STK3: variants seen among roughly 807,000 people sequenced by gnomAD.
STK3 encodes serine/threonine-protein kinase 3.
In STK3, 41 loss-of-function variants were observed where a neutral mutation model predicts 58.0. That is an observed-to-expected ratio of 0.71 (90% CI 0.55 to 0.92). STK3 has a LOEUF of 0.92. Among genes scored for constraint, STK3 ranks in the 40% least tolerant of loss-of-function variants. The pLI is 0.00. For synonymous variants in STK3, 170 were observed against 191.0 expected, an observed-to-expected ratio of 0.89 and a Z score of 0.91; for missense variants, 479 against 602.7, an observed-to-expected ratio of 0.79 and a Z score of 2.15.
chr8:98,856,992 G>A (rs917666242), intron 3 of STK3, among the ~76,000 whole-genome samples: 2 of 152,154 alleles, frequency 1.3e-5, no homozygotes, highest in Non-Finnish European at 2.9e-5. Flanking sequence ...TTATATAAAA[G>A]TCCGGAATAG....
chr8:98,917,742 AAG>A (rs1839397114), intron 1 of STK3, among the ~76,000 whole-genome samples: 1 of 152,132 alleles, frequency 6.6e-6, no homozygotes, highest in Non-Finnish European at 1.5e-5. Flanking sequence ...CAAACAAGCT[AAG>A]ACATCATCCA....
At chr8:98,709,281 G>A (rs189531412) in intron 4 of STK3, among the ~76,000 whole-genome samples, 60 of 152,076 alleles carry the variant, frequency 3.9e-4, no homozygotes, top group Non-Finnish European at 1.2e-4. Context: ...CATTCAAGAA[G>A]GCCCAAAAGA....
chr8:98,716,066 T>C (rs1826985185), intron 4 of STK3, among the ~76,000 whole-genome samples: 1 of 151,882 alleles, frequency 6.6e-6, no homozygotes. Context: ...TTCTCACTCA[T>C]AGGTGGAAAT....
At chr8:98,773,697 T>G (rs543117039) in intron 2 of STK3, among the ~76,000 whole-genome samples, 11 of 152,306 alleles carry the variant, frequency 7.2e-5, no homozygotes, top group Admixed American at 2.6e-4. Flanking sequence ...CTCTAACAGT[T>G]TGTCTTTTAA....
At chr8:98,709,655 T>C (rs566945659) in intron 4 of STK3, among the ~76,000 whole-genome samples, 2 of 152,230 alleles carry the variant, frequency 1.3e-5, no homozygotes, top group Admixed American at 1.3e-4. Flanking sequence ...AATCGAACAA[T>C]GCAATACACC....
downstream of STK3, among the ~76,000 whole-genome samples, chr8:98,367,481 T>C (rs1280507533): frequency 6.6e-6 from 1 of 152,210 alleles, no homozygotes. Flanking sequence ...TTAGAAATCA[T>C]ACTGAGTCCC....
Position 98,586,006 on chromosome 8 carries a change from T to C in STK3, c.823-6217A>G, listed in dbSNP as rs1330165955. Among the ~76,000 whole-genome samples, 4 of 152,188 alleles carry C rather than the reference T, an allele frequency of 2.6e-5. No individual in the cohort carries two copies. In the South Asian group the frequency reaches 8.3e-4, roughly 32 times the overall value. On this transcript the variant is annotated intron_variant, in intron 7 of 10. Coordinates refer to ENST00000419617, the MANE Select transcript of STK3 (RefSeq NM_006281.4). ...TTAAGGAGATTTTGGGCTAAGACAA[T>C]GGGGTTTTCTAGATATACAATCATG... is the stretch of plus-strand genomic sequence containing the variant.
chr8:98,769,791 T>G (rs937716314), intron 2 of STK3, among the ~76,000 whole-genome samples: 1 of 152,244 alleles, frequency 6.6e-6, no homozygotes, highest in Non-Finnish European at 1.5e-5. Flanking sequence ...AATGGGCTGC[T>G]GCCTCTGCCT....
intron 1 of STK3, among the ~76,000 whole-genome samples, chr8:98,382,987 T>C (rs1359422007): frequency 6.6e-6 from 1 of 152,162 alleles, no homozygotes; most frequent in Non-Finnish European, 1.5e-5. Context: ...CTCCTTACTC[T>C]GGGAACCTTC....
chr8:98,517,339 G>A (rs1368451244), intron 10 of STK3, among the ~76,000 whole-genome samples: 1 of 151,978 alleles, frequency 6.6e-6, no homozygotes, highest in Non-Finnish European at 1.5e-5. Context: ...CTTCCAACAT[G>A]AAGAAACCAA....
At chr8:98,758,228 G>A (rs1830417879) in intron 3 of STK3, among the ~76,000 whole-genome samples, 2 of 152,302 alleles carry the variant, frequency 1.3e-5, no homozygotes, top group East Asian at 1.9e-4. Context: ...GTATAAAGAT[G>A]AGCTGGTACC....
chr8:98,495,342 A>G (rs1238449083), intron 10 of STK3, among the ~76,000 whole-genome samples: 1 of 152,056 alleles, frequency 6.6e-6, no homozygotes, highest in Non-Finnish European at 1.5e-5. Context: ...CTTAAGTGGG[A>G]TCATATTTCT....
chr8:98,937,969 ACTGTAACAT>A (rs1242861600), intron 1 of STK3, among the ~76,000 whole-genome samples: 1 of 152,234 alleles, frequency 6.6e-6, no homozygotes, highest in Non-Finnish European at 1.5e-5. Context: ...ATTCCTGACC[ACTGTAACAT>A]CTTATATTTT....
At chr8:98,545,481 A>G (rs1810628522) in intron 9 of STK3, among the ~76,000 whole-genome samples, 2 of 152,344 alleles carry the variant, frequency 1.3e-5, no homozygotes, top group African/African-American at 2.4e-5. Context: ...AAGGCAGATC[A>G]AATTTTAAAA....
intron 6 of STK3, among the ~76,000 whole-genome samples, chr8:98,694,160 A>G (rs1252712485): frequency 6.6e-6 from 1 of 152,124 alleles, no homozygotes. Flanking sequence ...TTTCTCCAAA[A>G]AGGGAGGTGG....
intron 7 of STK3, among the ~76,000 whole-genome samples, chr8:98,586,407 T>TTC (rs1390412631): frequency 2.6e-5 from 4 of 151,324 alleles, no homozygotes; most frequent in Admixed American, 1.3e-4. Context: ...ATTTATTGAT[T>TTC]TGCATATATT....
chr8:98,891,125 T>G (rs1838184545), intron 1 of STK3, among the ~76,000 whole-genome samples: 1 of 152,230 alleles, frequency 6.6e-6, no homozygotes, highest in African/African-American at 2.4e-5. Flanking sequence ...CCTCTGAAGG[T>G]CAGTCTACCA....
intron 10 of STK3, among the ~76,000 whole-genome samples, chr8:98,503,967 T>C (rs547260917): frequency 6.6e-6 from 1 of 151,526 alleles, no homozygotes; most frequent in East Asian, 1.9e-4. Flanking sequence ...GTCTTGTTGA[T>C]CTAATATTGA....
At chr8:98,503,709 G>C (rs1823813448) in intron 10 of STK3, among the ~76,000 whole-genome samples, 1 of 152,214 alleles carries the variant, frequency 6.6e-6, no homozygotes, top group African/African-American at 2.4e-5. Context: ...TAGTTGTGCA[G>C]TTTTGAGTGA....
Sources: allele counts gnomAD v4.1 joint callset (sites outside exome capture counted in the v4.1 genomes callset), GRCh38; gene constraint gnomAD v4.1.1; transcripts MANE v1.5; gene names NCBI Gene and HGNC (gene_info 2026-07-23, HGNC 2026-07-21).